The following LRRC37A variants were observed in gnomAD, a reference collection of about 807,000 sequenced individuals.
LRRC37A encodes leucine rich repeat containing 37A.
A neutral mutation model predicts 35.4 loss-of-function variants in LRRC37A; 3 were observed. That is an observed-to-expected ratio of 0.08 (90% CI 0.04 to 0.22). The LOEUF (loss-of-function observed/expected upper bound fraction) is 0.22. Ranked by LOEUF, LRRC37A falls within the 10% of genes least tolerant of loss-of-function variation. LRRC37A has a pLI of 1.00. For synonymous variants in LRRC37A, 23 were observed against 215.0 expected, an observed-to-expected ratio of 0.11 and a Z score of 7.81; for missense variants, 67 against 565.3, an observed-to-expected ratio of 0.12 and a Z score of 8.94.
upstream of LRRC37A, chr17:46,292,702 T>C (rs1363878452): frequency 3.8e-5 from 3 of 79,248 alleles, 1 homozygote; most frequent in Admixed American, 3.8e-4. Flanking sequence ...AGAAGGTAAC[T>C]GGCCTTAAGA....
chr17:46,268,354 G>A, the LRRC37A span: 1 of 651,580 alleles, frequency 1.5e-6, no homozygotes, highest in South Asian at 4.6e-5. Flanking sequence ...TCGCTAGACT[G>A]TTTCCACCTT....
the LRRC37A span, among the ~76,000 whole-genome samples, chr17:46,269,898 C>T: frequency 6.6e-6 from 1 of 152,338 alleles, no homozygotes; most frequent in East Asian, 1.9e-4. Context: ...CAAATTCATT[C>T]CCCAAACCTT....
chr17:46,288,918 T>C (rs1189588360), upstream of LRRC37A, among the ~76,000 whole-genome samples: 3 of 152,188 alleles, frequency 2.0e-5, no homozygotes, highest in African/African-American at 4.8e-5. Context: ...TTGGCCAGGC[T>C]AGCCTTGAAC....
At chr17:46,270,697 A>C in the LRRC37A span, among the ~76,000 whole-genome samples, 1 of 152,234 alleles carries the variant, frequency 6.6e-6, no homozygotes. Context: ...TCACAAGGTC[A>C]GGAGTTTGAG....
chr17:46,316,681 T>C (rs1389611134), intron 5 of LRRC37A, among the ~76,000 whole-genome samples: 2 of 60,604 alleles, frequency 3.3e-5, no homozygotes, highest in Non-Finnish European at 4.6e-5. Context: ...GGCAGGGTCA[T>C]AGGACAATAG....
At chr17:46,275,250 T>G in the LRRC37A span, 1 of 478,624 alleles carries the variant, frequency 2.1e-6, no homozygotes, top group Non-Finnish European at 3.5e-6. Context: ...TGGACTGTTA[T>G]GACCAATAAA....
At chr17:46,327,367 A>C (rs2051797874) in intron 7 of LRRC37A, among the ~76,000 whole-genome samples, 1 of 44,876 alleles carries the variant, frequency 2.2e-5, no homozygotes, top group Non-Finnish European at 6.2e-5. Flanking sequence ...GCTTGAGCCC[A>C]GGAGTTCTAC....
At chr17:46,321,357 G>GAA (rs763727306) in intron 5 of LRRC37A, among the ~76,000 whole-genome samples, 24,001 of 31,436 alleles carry the variant, frequency 0.76, 9,094 homozygotes, top group South Asian at 0.91. Context: ...CTCCGTCTCA[G>GAA]AAAAAAAAAA....
At chr17:46,284,450 G>A in the LRRC37A span, among the ~76,000 whole-genome samples, 1 of 152,174 alleles carries the variant, frequency 6.6e-6, no homozygotes, top group South Asian at 2.1e-4. Flanking sequence ...CGGGGTTGGG[G>A]GTAAGGTTAT....
the LRRC37A span, among the ~76,000 whole-genome samples, chr17:46,273,228 C>T: frequency 6.6e-6 from 1 of 152,188 alleles, no homozygotes; most frequent in African/African-American, 2.4e-5. Context: ...AGAATTCTTG[C>T]ATCAGCACAG....
At chr17:46,263,483 G>A in the LRRC37A span, among the ~76,000 whole-genome samples, 2 of 151,020 alleles carry the variant, frequency 1.3e-5, no homozygotes, top group African/African-American at 4.9e-5. Flanking sequence ...CCCAGGAGGT[G>A]GAGGTTGCAG....
the LRRC37A span, among the ~76,000 whole-genome samples, chr17:46,270,769 T>C: frequency 2.6e-5 from 4 of 152,178 alleles, no homozygotes; most frequent in African/African-American, 9.7e-5. Context: ...TAGCTGGGCA[T>C]GGTGGTGCAT....
At chr17:46,311,458 G>T (rs1343348298) in intron 5 of LRRC37A, among the ~76,000 whole-genome samples, 38 of 89,084 alleles carry the variant, frequency 4.3e-4, no homozygotes, top group African/African-American at 1.2e-3. Flanking sequence ...TTATTTTCAC[G>T]GCCTGCTTTG....
exon 9 of LRRC37A, chr17:46,331,113 T>C (rs746787835): frequency 1.4e-6 from 1 of 722,620 alleles, no homozygotes; most frequent in East Asian, 2.6e-5. Flanking sequence ...ACCCACGCTA[T>C]TTCCATTTTA....
the LRRC37A span, among the ~76,000 whole-genome samples, chr17:46,278,409 T>TTTG: frequency 2.9e-5 from 3 of 104,866 alleles, no homozygotes; most frequent in African/African-American, 8.8e-5. Flanking sequence ...TTGTTTTTTT[T>TTTG]TTGTTGTTGT....
the LRRC37A span, among the ~76,000 whole-genome samples, chr17:46,248,090 T>G: frequency 6.6e-6 from 1 of 151,930 alleles, no homozygotes; most frequent in East Asian, 1.9e-4. Flanking sequence ...TTCAGAGACG[T>G]GGGAACAACG....
chr17:46,287,085 C>A, the LRRC37A span, among the ~76,000 whole-genome samples: 1 of 152,238 alleles, frequency 6.6e-6, no homozygotes, highest in Non-Finnish European at 1.5e-5. Context: ...TATGAGTCAG[C>A]TAAACATTCC....
At chr17:46,276,790 C>CTTTTCTTTTTTTTTTTTTTTTTTTTTTTT in the LRRC37A span, among the ~76,000 whole-genome samples, 1 of 134,320 alleles carries the variant, frequency 7.4e-6, no homozygotes. Context: ...TTCTTTTTTT[C>CTTTTCTTTTTTTTTTTTTTTTTTTTTTTT]TTTTTTTTTT....
the LRRC37A span, among the ~76,000 whole-genome samples, chr17:46,279,315 C>T: frequency 1.2e-4 from 18 of 151,300 alleles, no homozygotes; most frequent in South Asian, 2.9e-3. Flanking sequence ...TCCCAAGTAG[C>T]GAGGATTACA....
Sources: allele counts gnomAD v4.1 joint callset (sites outside exome capture counted in the v4.1 genomes callset), GRCh38; gene constraint gnomAD v4.1.1; transcripts MANE v1.5; gene names NCBI Gene and HGNC (gene_info 2026-07-23, HGNC 2026-07-21).